Variants in ANTXR2 observed in about 807,000 individuals in gnomAD.
ANTXR2 encodes the protein ANTXR cell adhesion molecule 2.
Under a neutral mutation model 73.7 loss-of-function variants are expected in ANTXR2, and 44 were observed. The ratio of observed to expected loss-of-function variants is 0.60; its 90% CI spans 0.47 to 0.77. ANTXR2 has a LOEUF of 0.77. Ranked by LOEUF, ANTXR2 falls within the 30% of genes least tolerant of loss-of-function variation. The pLI is 0.00. For synonymous variants in ANTXR2, 217 were observed against 205.9 expected (o/e 1.05, Z -0.46); for missense variants, 604 against 592.5 (o/e 1.02, Z -0.20).
chr4:79,931,449 T>TTCTCTCTCTCTCTCTC (rs142694925), intron 16 of ANTXR2, among the ~76,000 whole-genome samples: 6 of 134,088 alleles, frequency 4.5e-5, no homozygotes, highest in African/African-American at 1.7e-4. Flanking sequence ...TCCTCGCTTC[T>TTCTCTCTCTCTCTCTC]TCTCTCTCTC....
chr4:80,034,637 T>C (rs1024013882), intron 8 of ANTXR2, among the ~76,000 whole-genome samples: 2 of 152,190 alleles, frequency 1.3e-5, no homozygotes, highest in African/African-American at 4.8e-5. Context: ...AATGTAGGCA[T>C]TGACAATAAA....
intron 11 of ANTXR2, among the ~76,000 whole-genome samples, chr4:80,009,904 A>T (rs1365877996): frequency 6.6e-6 from 1 of 151,860 alleles, no homozygotes; most frequent in South Asian, 2.1e-4. Context: ...AATGAACTCT[A>T]AAGAAAAAAA....
At chr4:79,931,452 T>C (rs1044285927) in intron 16 of ANTXR2, among the ~76,000 whole-genome samples, 4 of 15,230 alleles carry the variant, frequency 2.6e-4, no homozygotes, top group Non-Finnish European at 3.9e-4. Context: ...TCGCTTCTTC[T>C]CTCTCTCTCT....
At chr4:80,008,886 G>A (rs1372477638) in intron 11 of ANTXR2, among the ~76,000 whole-genome samples, 1 of 151,908 alleles carries the variant, frequency 6.6e-6, no homozygotes, top group Admixed American at 6.6e-5. Flanking sequence ...CATCTAAAAG[G>A]AATTTAGGAA....
intron 16 of ANTXR2, among the ~76,000 whole-genome samples, chr4:79,917,394 C>G (rs977085034): frequency 6.6e-6 from 1 of 152,150 alleles, no homozygotes; most frequent in African/African-American, 2.4e-5. Flanking sequence ...GGAAGCAGAA[C>G]TGAGAAGTAT....
intron 12 of ANTXR2, among the ~76,000 whole-genome samples, chr4:79,993,782 A>ACACACACACACACACACACACACG (rs755550984): frequency 1.3e-5 from 2 of 151,402 alleles, no homozygotes; most frequent in Non-Finnish European, 3.0e-5. Flanking sequence ...ACACACACAC[A>ACACACACACACACACACACACACG]CATGCACTTT....
At chr4:80,021,581 C>A (rs1732165420) in intron 10 of ANTXR2, among the ~76,000 whole-genome samples, 1 of 152,028 alleles carries the variant, frequency 6.6e-6, no homozygotes, top group South Asian at 2.1e-4. Flanking sequence ...CGAACAAGTT[C>A]TCTAATTAAT....
At chr4:79,928,202 T>A (rs1279418810) in intron 16 of ANTXR2, among the ~76,000 whole-genome samples, 4 of 152,216 alleles carry the variant, frequency 2.6e-5, no homozygotes, top group Non-Finnish European at 4.4e-5. Context: ...TTTAGATACA[T>A]GTTACAACAT....
rs1729397267 is a variant in ANTXR2, at chr4:79,967,019, C to A, written c.1428+10602G>T. Among the ~76,000 whole-genome samples the A allele has an allele frequency of 3.1e-5, 2 of 64,978 alleles. 1 individual carries two copies. Among genetic ancestry groups the A allele is most frequent in the Non-Finnish European group, 7.9e-5 (2 of 25,304 alleles). 42.6% of individuals were successfully genotyped at this position (64,978 alleles called of 152,430 possible). Reference sequence around the variant, plus strand: ...TCCATCTGAGGTACCGGGTTCATCTCACTAGGGAGTGCCAGACAGTGGGCG... The same window carrying A: ...TCCATCTGAGGTACCGGGTTCATCTAACTAGGGAGTGCCAGACAGTGGGCG... On this transcript the variant is annotated intron_variant, in intron 16 of 16. Transcript: ENST00000403729.
Position 79,931,797 on chromosome 4 carries a change from A to T in ANTXR2, c.1429-24330T>A, listed in dbSNP as rs567573610. On this transcript the variant is annotated intron_variant, in intron 16 of 16. Coordinates refer to ENST00000403729, the MANE Select transcript of ANTXR2 (RefSeq NM_058172.6). ...AATGCATTAATTTAGATGGTATTCA[A>T]ATAAATGATATATCCTTAGAAATAA... is the stretch of plus-strand genomic sequence containing the variant. Among the ~76,000 whole-genome samples, 6 of 152,350 alleles carry T rather than the reference A, an allele frequency of 3.9e-5. No homozygotes were observed. In the South Asian group the frequency reaches 1.2e-3, roughly 32 times the overall value.
intron 7 of ANTXR2, among the ~76,000 whole-genome samples, chr4:80,053,360 T>C (rs181620041): frequency 2.6e-4 from 39 of 151,856 alleles, no homozygotes; most frequent in African/African-American, 9.2e-4. Context: ...AACCAAATTA[T>C]GTTTTCTCTG....
At chr4:80,010,412 G>C (rs1361596102) in intron 11 of ANTXR2, among the ~76,000 whole-genome samples, 1 of 152,156 alleles carries the variant, frequency 6.6e-6, no homozygotes. Context: ...ATCTGTGACT[G>C]TCCATGTACA....
chr4:80,047,600 G>A (rs1263403332), intron 7 of ANTXR2, among the ~76,000 whole-genome samples: 1 of 151,636 alleles, frequency 6.6e-6, no homozygotes, highest in African/African-American at 2.4e-5. Flanking sequence ...GTACAGGAAT[G>A]AGCTCATGAC....
chr4:80,070,822 T>C (rs1317232977), intron 2 of ANTXR2, among the ~76,000 whole-genome samples: 2 of 152,182 alleles, frequency 1.3e-5, no homozygotes, highest in Non-Finnish European at 2.9e-5. Context: ...ATTCATGTCC[T>C]TTCCATTATC....
chr4:79,964,064 C>G (rs7689222), intron 16 of ANTXR2, among the ~76,000 whole-genome samples: 54,332 of 152,058 alleles, frequency 0.36, 12,102 homozygotes, highest in Non-Finnish European at 0.47. Context: ...TAATAAGAAA[C>G]CTTAAAAGTT....
At chr4:80,068,676 G>A (rs552514002) in intron 3 of ANTXR2, among the ~76,000 whole-genome samples, 2 of 152,316 alleles carry the variant, frequency 1.3e-5, no homozygotes. Flanking sequence ...GGAGGCTGAA[G>A]CATGAGAATT....
chr4:79,961,867 T>C (rs4312703), intron 16 of ANTXR2, among the ~76,000 whole-genome samples: 54,270 of 152,060 alleles, frequency 0.36, 12,071 homozygotes, highest in Non-Finnish European at 0.47. Flanking sequence ...AAAAGGTTGC[T>C]GATGAAATTT....
At chr4:79,923,431 C>T (rs2109947835) in intron 16 of ANTXR2, among the ~76,000 whole-genome samples, 1 of 152,062 alleles carries the variant, frequency 6.6e-6, no homozygotes, top group East Asian at 1.9e-4. Context: ...GTATGTGTGG[C>T]CCATCAATTA....
chr4:80,034,040 C>T (rs1732838333), intron 8 of ANTXR2, among the ~76,000 whole-genome samples: 1 of 152,064 alleles, frequency 6.6e-6, no homozygotes, highest in Non-Finnish European at 1.5e-5. Flanking sequence ...TTAATCTATG[C>T]CTGTTCCATA....
Sources: allele counts gnomAD v4.1 joint callset (sites outside exome capture counted in the v4.1 genomes callset), GRCh38; gene constraint gnomAD v4.1.1; transcripts MANE v1.5; gene names NCBI Gene and HGNC (gene_info 2026-07-23, HGNC 2026-07-21).